The following MYPN variants were observed in gnomAD, a reference collection of about 807,000 sequenced individuals.
The protein encoded by MYPN is sarcomeric protein myopalladin, 145 kDa (MYOP).
MYPN carries 63 observed loss-of-function variants against 129.4 expected under a neutral mutation model. That is an observed-to-expected ratio of 0.49 (90% CI 0.40 to 0.60). MYPN has a LOEUF of 0.60. Ranked by LOEUF, MYPN falls within the 20% of genes least tolerant of loss-of-function variation. The probability of loss-of-function intolerance (pLI) is 0.00; values close to 1 mark genes in which losing one functional copy is unlikely to be tolerated. For missense variants in MYPN, 1,596 were observed against 1,635.4 expected (o/e 0.98, Z 0.42); for synonymous variants, 629 against 600.9 (o/e 1.05, Z -0.68).
chr10:68,210,357 A>G lies in MYPN; in HGVS notation c.3865A>G (p.Ser1289Gly). Reference protein sequence around the residue: ...PSGSRYGSLTSKGLDIFSAFS... With the variant: ...PSGSRYGSLTGKGLDIFSAFS... ...TGGCAGTCGCTACGGATCTCTCACC[A>G]GTAAAGGACTTGACATATTTTCTGC... is the stretch of plus-strand genomic sequence containing the variant. The change falls in exon 20 of 20, where the codon AGT becomes GGT. Residue 1289 changes from serine to glycine, a missense_variant. By Grantham distance (56) the Ser-to-Gly change is moderately conservative (BLOSUM62 0). Transcript: ENST00000358913. 1 of 1,614,136 alleles carries G rather than the reference A, an allele frequency of 6.2e-7. No individual in the cohort carries two copies. Among genetic ancestry groups the G allele is most frequent in the African/African-American group, 1.3e-5 (1 of 75,034 alleles).
intron 14 of MYPN, among the ~76,000 whole-genome samples, chr10:68,195,241 G>A (rs1158758189): frequency 1.3e-5 from 2 of 152,100 alleles, no homozygotes; most frequent in East Asian, 3.8e-4. Flanking sequence ...GTTTAAAAAT[G>A]AAAGTCGTTA....
intron 1 of MYPN, among the ~76,000 whole-genome samples, chr10:68,112,200 G>T (rs1315527941): frequency 6.6e-6 from 1 of 152,046 alleles, no homozygotes; most frequent in Non-Finnish European, 1.5e-5. Flanking sequence ...GATTCTTGAA[G>T]TCTTCTTGAT....
intron 17 of MYPN, among the ~76,000 whole-genome samples, chr10:68,200,214 A>C (rs2043686773): frequency 6.6e-6 from 1 of 152,220 alleles, no homozygotes. Context: ...CTCGTCTTGC[A>C]CATCTCCAGT....
At chr10:68,172,286 T>G (rs1456924095) in intron 10 of MYPN, among the ~76,000 whole-genome samples, 1 of 151,958 alleles carries the variant, frequency 6.6e-6, no homozygotes, top group East Asian at 1.9e-4. Context: ...ACTCAGGAGG[T>G]TGGGGCTACA....
intron 1 of MYPN, among the ~76,000 whole-genome samples, chr10:68,120,321 C>A (rs1554839030): frequency 3.3e-5 from 5 of 152,126 alleles, no homozygotes; most frequent in Non-Finnish European, 7.4e-5. Flanking sequence ...TATTATATTA[C>A]TTTCTTAAGA....
Position 68,210,499 on chromosome 10 carries a change from G to C in MYPN, c.*44G>C, listed in dbSNP as rs1211327735. On this transcript the variant is annotated 3_prime_UTR_variant, in exon 20 of 20. Coordinates refer to ENST00000358913, the MANE Select transcript of MYPN (RefSeq NM_032578.4). ...TGTGTAAGAGAGCGGACTGTGGAGG[G>C]GGAATGAGAACAAGCCAGACTTGGT... 1 of 1,609,804 alleles carries C rather than the reference G, an allele frequency of 6.2e-7. No individual in the cohort carries two copies. Among genetic ancestry groups the C allele is most frequent in the Non-Finnish European group, 8.5e-7 (1 of 1,178,140 alleles).
intron 14 of MYPN, among the ~76,000 whole-genome samples, chr10:68,194,850 G>A (rs571088666): frequency 1.1e-4 from 16 of 152,238 alleles, no homozygotes; most frequent in South Asian, 2.1e-4. Context: ...TATCAAGAAC[G>A]ATCTGTCATT....
In MYPN at chr10:68,161,752, G is replaced by A; in HGVS notation, c.1483G>A (p.Glu495Lys). 6.2e-7 allele frequency: 1 copy of A among 1,609,264 alleles called. No homozygotes were observed. Among genetic ancestry groups the A allele is most frequent in the Non-Finnish European group, 8.5e-7 (1 of 1,176,410 alleles). The change falls in exon 8 of 20, where the codon GAG (glutamate) becomes AAG (lysine). Residue 495 changes from glutamate (E) to lysine (K), a missense_variant and splice_region_variant. Glu to Lys is a moderately conservative substitution (Grantham distance 56). Coordinates refer to ENST00000358913, the MANE Select transcript of MYPN (RefSeq NM_032578.4). Reference sequence around the variant, plus strand: ...AGAACCTCGATCCATGGCAGAGCCAGGTAAAGATGATTTCAACTTTAATTT... The same window carrying A: ...AGAACCTCGATCCATGGCAGAGCCAAGTAAAGATGATTTCAACTTTAATTT... ...QKKPRSMAEPEEICTLVIAEV... is the reference protein window; with the variant it reads ...QKKPRSMAEPKEICTLVIAEV...
chr10:68,139,875 CCAATACGGTCCTCTCGTG>C (rs913120409), intron 2 of MYPN, among the ~76,000 whole-genome samples: 9 of 152,220 alleles, frequency 5.9e-5, no homozygotes, highest in African/African-American at 2.2e-4. Context: ...GTGAATAAGA[CCAATACGGTCCTCTCGTG>C]CACTTTGCAG....
chr10:68,139,792 A>G (rs147337536), intron 2 of MYPN, among the ~76,000 whole-genome samples: 11 of 152,222 alleles, frequency 7.2e-5, no homozygotes, highest in Admixed American at 2.0e-4. Flanking sequence ...TCTTTCAACA[A>G]ACCCATCAAA....
upstream of MYPN, chr10:68,106,289 T>G (rs981135817): frequency 3.0e-5 from 10 of 330,026 alleles, no homozygotes; most frequent in Middle Eastern, 1.0e-3. Context: ...GAACTTTTAG[T>G]TTTTTTTTTT....
chr10:68,197,499 T>C, intron 16 of MYPN, 21 bp downstream of exon 16: 1 of 1,613,174 alleles, frequency 6.2e-7, no homozygotes, highest in Non-Finnish European at 8.5e-7. Context: ...GCACCCATGC[T>C]TAGTTCCAGA....
In MYPN at chr10:68,211,295, T is replaced by C. The variant is rs1435762486; in HGVS notation, c.*840T>C. The C allele has an allele frequency of 2.2e-6, 1 of 454,106 alleles. No individual in the cohort carries two copies. Among genetic ancestry groups the C allele is most frequent in the South Asian group, 1.6e-5 (1 of 64,478 alleles). 28.1% of individuals were successfully genotyped at this position (454,106 alleles called of 1,614,324 possible). A position where few individuals can be genotyped will look rare whatever the true frequency, so the allele number is the denominator to read the frequency against. ...CTAGCTTCAACTACCACTTACAAAATGTGCAAGAGTCATCATTTGCCCATA... is the reference window on the plus strand; with the variant it reads ...CTAGCTTCAACTACCACTTACAAAACGTGCAAGAGTCATCATTTGCCCATA... On this transcript the variant is annotated 3_prime_UTR_variant, in exon 20 of 20. Coordinates refer to ENST00000358913, the MANE Select transcript of MYPN (RefSeq NM_032578.4).
intron 4 of MYPN, among the ~76,000 whole-genome samples, chr10:68,146,427 T>C (rs1162727294): frequency 6.6e-6 from 1 of 152,206 alleles, no homozygotes; most frequent in Non-Finnish European, 1.5e-5. Flanking sequence ...GTGGCTCCCA[T>C]AATGTGTTAC....
In MYPN at chr10:68,166,309, G is replaced by GCAA. The variant is rs1428622009; in HGVS notation, c.1621_1623dup (p.Asn541dup). The GCAA allele has an allele frequency of 1.2e-6, 2 of 1,614,088 alleles. No homozygotes were observed. The highest frequency in any genetic ancestry group is 2.2e-5 in the South Asian group (2 of 91,072). ...GTCCTTTCAGGAAATGAGGACCTCA[G>GCAA]CAACAACGGGTCTCTTCACTCAGCC... On this transcript the variant is annotated inframe_insertion, in exon 10 of 20. Transcript: ENST00000358913.
chr10:68,169,980 T>C (rs2043120348), intron 10 of MYPN, among the ~76,000 whole-genome samples: 1 of 152,150 alleles, frequency 6.6e-6, no homozygotes, highest in African/African-American at 2.4e-5. Context: ...CCCTGTGATC[T>C]ACCCACCTTG....
chr10:68,204,421 C>A (rs1282185067), intron 18 of MYPN, among the ~76,000 whole-genome samples: 1 of 152,184 alleles, frequency 6.6e-6, no homozygotes, highest in Admixed American at 6.5e-5. Context: ...GTGAGAATGA[C>A]CTTTTAAGAA....
intron 1 of MYPN, among the ~76,000 whole-genome samples, chr10:68,119,086 A>G (rs550696249): frequency 6.6e-6 from 1 of 152,302 alleles, no homozygotes; most frequent in South Asian, 2.1e-4. Flanking sequence ...CGGTATATTA[A>G]TTACATTTTC....
chr10:68,160,040 G>A (rs569598605), intron 7 of MYPN, among the ~76,000 whole-genome samples: 2 of 152,224 alleles, frequency 1.3e-5, no homozygotes, highest in East Asian at 1.9e-4. Flanking sequence ...GTAGATCAGT[G>A]TGACATATGA....
Sources: gnomAD v4.1 joint callset for allele counts (sites outside exome capture counted in the v4.1 genomes callset) on GRCh38, gnomAD v4.1.1 for gene constraint, MANE v1.5 for transcripts, NCBI Gene and HGNC (gene_info 2026-07-23, HGNC 2026-07-21) for gene names.